LSAMP: variants seen among roughly 807,000 people sequenced by gnomAD.
LSAMP encodes limbic system-associated membrane protein.
A neutral mutation model predicts 38.6 loss-of-function variants in LSAMP; 7 were observed. The observed-to-expected ratio is 0.18, with a 90% CI of 0.10 to 0.34. The LOEUF is 0.34. Among genes scored for constraint, LSAMP ranks in the 10% least tolerant of loss-of-function variants. The pLI, the probability that LSAMP is intolerant of heterozygous loss-of-function variation, is 1.00. For missense variants in LSAMP, 313 were observed against 420.0 expected (o/e 0.75, Z 2.23); for synonymous variants, 154 against 166.8 (o/e 0.92, Z 0.59).
rs148614639 is a variant in LSAMP, at chr3:115,844,250, CT to C, written c.650-1673del. ...ATTTTCAAACCCTTAACTAATTTAA[CT>C]CTTAAATTGCTAACTTTCCAAATTA... On this transcript the variant is annotated intron_variant, in intron 4 of 6. Transcript: ENST00000490035. Among the ~76,000 whole-genome samples, 304 of 152,254 alleles carry C rather than the reference CT, an allele frequency of 2.0e-3. 4 individuals carry two copies. Among genetic ancestry groups the C allele is most frequent in the African/African-American group, 6.7e-3 (278 of 41,552 alleles).
intron 6 of LSAMP, among the ~76,000 whole-genome samples, chr3:115,826,398 G>T (rs533332035): frequency 6.6e-6 from 1 of 152,000 alleles, no homozygotes; most frequent in Admixed American, 6.6e-5. Context: ...GAGCCACCAC[G>T]CCTGGCCTGT....
At chr3:116,319,292 G>C (rs1375139465) in intron 1 of LSAMP, among the ~76,000 whole-genome samples, 2 of 152,188 alleles carry the variant, frequency 1.3e-5, no homozygotes, top group East Asian at 3.9e-4. Flanking sequence ...ATTCCCAGTT[G>C]AAAGCAGTGT....
At chr3:115,960,692 C>G (rs1356698625) in intron 3 of LSAMP, among the ~76,000 whole-genome samples, 1 of 152,102 alleles carries the variant, frequency 6.6e-6, no homozygotes, top group Non-Finnish European at 1.5e-5. Flanking sequence ...TGGAACCTGG[C>G]ATATTCACCA....
chr3:116,155,089 AC>A (rs1245750664), intron 1 of LSAMP, among the ~76,000 whole-genome samples: 1 of 152,016 alleles, frequency 6.6e-6, no homozygotes, highest in African/African-American at 2.4e-5. Flanking sequence ...CACCTTGTAG[AC>A]CCACATAACA....
At chr3:115,925,877 T>G (rs1195987237) in intron 3 of LSAMP, among the ~76,000 whole-genome samples, 1 of 152,184 alleles carries the variant, frequency 6.6e-6, no homozygotes, top group Non-Finnish European at 1.5e-5. Flanking sequence ...GGAATGGGTT[T>G]AATAAGGCAA....
intron 4 of LSAMP, among the ~76,000 whole-genome samples, chr3:115,845,004 G>A (rs1368363833): frequency 6.6e-6 from 1 of 152,112 alleles, no homozygotes; most frequent in Non-Finnish European, 1.5e-5. Context: ...GGAACCCAAG[G>A]CAGGGAAGTG....
rs183729761 is a variant in LSAMP, at chr3:115,968,478, A to T, written c.514+51037T>A. Among the ~76,000 whole-genome samples the T allele has an allele frequency of 1.2e-4, 18 of 152,266 alleles. 2 individuals carry two copies. In the East Asian group the frequency reaches 3.5e-3, roughly 30 times the overall value. On this transcript the variant is annotated intron_variant, in intron 3 of 6. Coordinates refer to ENST00000490035, the MANE Select transcript of LSAMP (RefSeq NM_002338.5). ...TTCTCTTCTGGCTCAGGGTGTGTCT[A>T]GACATGTCATCCAGAAGGTAGGACC...
rs1292463852 is a variant in LSAMP, at chr3:115,802,629, CA to C, written c.*7687del. The stretch of plus-strand genomic sequence containing the variant: ...AACAAAAATGAAAAACCTTGAAAAA[CA>C]AAAAATCCCAAACAAAAAATGGCCA... On this transcript the variant is annotated 3_prime_UTR_variant, in exon 7 of 7. Coordinates refer to ENST00000490035, the MANE Select transcript of LSAMP (RefSeq NM_002338.5). 1 of 149,664 alleles carries C rather than the reference CA, an allele frequency of 6.7e-6. No individual in the cohort carries two copies. The highest frequency in any genetic ancestry group is 2.5e-5 in the African/African-American group (1 of 40,612). The allele number at this position is 149,664 out of a possible 1,614,324, so 9.3% of individuals were successfully genotyped here.
chr3:116,019,162 G>T (rs966396707), intron 3 of LSAMP, among the ~76,000 whole-genome samples: 13 of 135,594 alleles, frequency 9.6e-5, no homozygotes, highest in Non-Finnish European at 1.3e-4. Flanking sequence ...GTGGGTGGGG[G>T]GGGGGGGGCT....
At chr3:116,367,287 A>G (rs1211204322) in intron 1 of LSAMP, among the ~76,000 whole-genome samples, 1 of 152,128 alleles carries the variant, frequency 6.6e-6, no homozygotes, top group East Asian at 1.9e-4. Flanking sequence ...GTATATGCTA[A>G]ATACCTAGTG....
At chr3:115,984,894 T>G (rs2107633123) in intron 3 of LSAMP, among the ~76,000 whole-genome samples, 1 of 152,142 alleles carries the variant, frequency 6.6e-6, no homozygotes, top group Middle Eastern at 3.4e-3. Context: ...AACACAGAGG[T>G]GTAAGAGTGC....
At chr3:116,272,804 G>A (rs1044399458) in intron 1 of LSAMP, among the ~76,000 whole-genome samples, 10 of 152,128 alleles carry the variant, frequency 6.6e-5, no homozygotes, top group African/African-American at 2.4e-4. Flanking sequence ...CTATTAACAT[G>A]ATTTTAAAAA....
At chr3:115,944,425 TA>T (rs1326659332) in intron 3 of LSAMP, among the ~76,000 whole-genome samples, 3 of 152,156 alleles carry the variant, frequency 2.0e-5, no homozygotes, top group Non-Finnish European at 2.9e-5. Context: ...CTACATCAGT[TA>T]AGTATTAGCT....
intron 4 of LSAMP, 36 bp from the exon 5 acceptor site, chr3:115,842,614 G>A (rs1346733530): frequency 6.2e-7 from 1 of 1,609,072 alleles, no homozygotes; most frequent in Non-Finnish European, 8.5e-7. Flanking sequence ...TTACATGAGG[G>A]TCGGGGTGCT....
intron 1 of LSAMP, among the ~76,000 whole-genome samples, chr3:116,310,487 C>A (rs530092409): frequency 1.3e-5 from 2 of 152,274 alleles, no homozygotes; most frequent in South Asian, 2.1e-4. Flanking sequence ...CACAGGCAAC[C>A]TTTACCTACT....
intron 1 of LSAMP, among the ~76,000 whole-genome samples, chr3:116,441,666 T>G (rs1196987615): frequency 6.6e-6 from 1 of 152,194 alleles, no homozygotes; most frequent in Non-Finnish European, 1.5e-5. Context: ...TGTTAGAAAC[T>G]TATCCTGTAA....
intron 1 of LSAMP, among the ~76,000 whole-genome samples, chr3:116,203,105 C>T (rs1045860551): frequency 2.3e-4 from 35 of 152,266 alleles, no homozygotes; most frequent in African/African-American, 8.2e-4. Flanking sequence ...GCTTTCCAAT[C>T]TTCATGTCTT....
At chr3:115,843,143 G>A (rs1435678949) in intron 4 of LSAMP, among the ~76,000 whole-genome samples, 1 of 152,152 alleles carries the variant, frequency 6.6e-6, no homozygotes, top group Non-Finnish European at 1.5e-5. Context: ...TTTATTTTAT[G>A]TGTTCCCTTA....
chr3:116,132,238 C>A (rs1237836329), intron 1 of LSAMP, among the ~76,000 whole-genome samples: 4 of 145,860 alleles, frequency 2.7e-5, no homozygotes, highest in African/African-American at 5.1e-5. Flanking sequence ...ATAGAACTAT[C>A]AAAAAAAAAA....
Sources: gnomAD v4.1 joint callset for allele counts (sites outside exome capture counted in the v4.1 genomes callset) on GRCh38, gnomAD v4.1.1 for gene constraint, MANE v1.5 for transcripts, NCBI Gene and HGNC (gene_info 2026-07-23, HGNC 2026-07-21) for gene names.